The following CTNNA2 variants were observed in gnomAD, a reference collection of about 807,000 sequenced individuals.
CTNNA2 encodes the protein catenin alpha 2, also known as catenin alpha-2.
In CTNNA2, 42 loss-of-function variants were observed where a neutral mutation model predicts 101.0. The observed-to-expected ratio is 0.42, with a 90% CI of 0.32 to 0.54. The LOEUF (loss-of-function observed/expected upper bound fraction) is 0.54. Ranked by LOEUF, CTNNA2 falls within the 20% of genes least tolerant of loss-of-function variation. CTNNA2 has a pLI of 0.14. For missense variants in CTNNA2, 871 were observed against 1,223.1 expected (o/e 0.71, Z 4.29); for synonymous variants, 450 against 456.4 (o/e 0.99, Z 0.18).
intron 7 of CTNNA2, among the ~76,000 whole-genome samples, chr2:80,021,816 C>T (rs1347341933): frequency 1.3e-5 from 2 of 152,098 alleles, no homozygotes; most frequent in Admixed American, 6.5e-5. Flanking sequence ...TGAACTTACT[C>T]CTCCTAATGA....
At chr2:79,480,684 G>A (rs961508881) in intron 4 of CTNNA2, among the ~76,000 whole-genome samples, 3 of 152,034 alleles carry the variant, frequency 2.0e-5, no homozygotes, top group Non-Finnish European at 4.4e-5. Flanking sequence ...TGCTCACTGT[G>A]TGATTTTCTG....
chr2:79,215,452 G>A (rs1035719549), intron 2 of CTNNA2, among the ~76,000 whole-genome samples: 1 of 152,192 alleles, frequency 6.6e-6, no homozygotes, highest in South Asian at 2.1e-4. Flanking sequence ...TGTACACCTC[G>A]AAGGTGAGGT....
At chr2:79,892,544 G>C (rs1056401901) in intron 6 of CTNNA2, among the ~76,000 whole-genome samples, 4 of 152,092 alleles carry the variant, frequency 2.6e-5, no homozygotes, top group African/African-American at 9.7e-5. Context: ...AATAGAATGT[G>C]ATTTCCAATT....
intron 9 of CTNNA2, among the ~76,000 whole-genome samples, chr2:80,420,057 A>C (rs901179753): frequency 4.7e-5 from 7 of 149,608 alleles, no homozygotes; most frequent in African/African-American, 1.0e-4. Context: ...AAAAAAAAAA[A>C]AAAAAACCCA....
chr2:80,513,554 G>A (rs1275574396), intron 9 of CTNNA2, among the ~76,000 whole-genome samples: 2 of 152,230 alleles, frequency 1.3e-5, no homozygotes, highest in African/African-American at 2.4e-5. Context: ...ATGTGTGGTT[G>A]CATATCAGTC....
intron 7 of CTNNA2, among the ~76,000 whole-genome samples, chr2:80,040,485 G>A (rs181979079): frequency 2.6e-5 from 4 of 152,262 alleles, no homozygotes; most frequent in East Asian, 1.9e-4. Flanking sequence ...GTCATTTGGC[G>A]ATGCAGTTTT....
At chr2:79,924,734 A>G (rs2104394455) in intron 7 of CTNNA2, among the ~76,000 whole-genome samples, 1 of 152,214 alleles carries the variant, frequency 6.6e-6, no homozygotes, top group African/African-American at 2.4e-5. Context: ...TAGAGGTGAG[A>G]TAAAATGTGT....
At chr2:80,304,021 G>A in intron 7 of CTNNA2, 1 of 516,034 alleles carries the variant, frequency 1.9e-6, no homozygotes. Context: ...AAGCTGGGCA[G>A]CATAGAAAGT....
chr2:80,019,716 C>A (rs562067838), intron 7 of CTNNA2, among the ~76,000 whole-genome samples: 1 of 152,182 alleles, frequency 6.6e-6, no homozygotes, highest in Non-Finnish European at 1.5e-5. Flanking sequence ...AAACAGCTCC[C>A]AAATTCCTAA....
intron 1 of CTNNA2, among the ~76,000 whole-genome samples, chr2:79,592,297 T>C (rs989490307): frequency 6.6e-6 from 1 of 151,740 alleles, no homozygotes; most frequent in Non-Finnish European, 1.5e-5. Context: ...ATTTTTTTTT[T>C]AATTTTGTAT....
chr2:79,932,777 A>G (rs181356309), intron 7 of CTNNA2, among the ~76,000 whole-genome samples: 121 of 152,296 alleles, frequency 7.9e-4, no homozygotes, highest in African/African-American at 2.8e-3. Context: ...CATCACATAC[A>G]TTGAGTTACA....
chr2:79,288,110 G>A lies in CTNNA2; in HGVS notation c.-405-24599G>A, dbSNP rs574894185. Among the ~76,000 whole-genome samples the A allele has an allele frequency of 2.4e-4, 37 of 152,304 alleles. No individual in the cohort carries two copies. In the East Asian group the frequency reaches 5.2e-3, roughly 22 times the overall value. On this transcript the variant is annotated intron_variant, in intron 2 of 21. Coordinates refer to the CTNNA2 transcript ENST00000466387. ...AATGCCTCGCCCTGCTTCACCTCGC[G>A]CATGGTGCGCGCACCCACTGACCTG...
chr2:80,452,045 T>A (rs1683563165), intron 9 of CTNNA2, among the ~76,000 whole-genome samples: 1 of 152,224 alleles, frequency 6.6e-6, no homozygotes, highest in South Asian at 2.1e-4. Context: ...TATAACAATA[T>A]TTAAGCTATA....
intron 3 of CTNNA2, among the ~76,000 whole-genome samples, chr2:79,779,482 T>G (rs1426901987): frequency 6.6e-6 from 1 of 152,208 alleles, no homozygotes; most frequent in Non-Finnish European, 1.5e-5. Flanking sequence ...AATGGACACA[T>G]GTCATTCTTT....
chr2:80,504,312 G>A (rs1688102814), intron 9 of CTNNA2, among the ~76,000 whole-genome samples: 1 of 152,178 alleles, frequency 6.6e-6, no homozygotes, highest in African/African-American at 2.4e-5. Flanking sequence ...CCACTGTAGA[G>A]CGAGTTTTTT....
chr2:79,970,635 C>A (rs1365715221), intron 7 of CTNNA2, among the ~76,000 whole-genome samples: 1 of 152,056 alleles, frequency 6.6e-6, no homozygotes, highest in East Asian at 1.9e-4. Flanking sequence ...CTTCCATTTG[C>A]AACTGGGAGG....
chr2:80,227,045 G>A (rs766697336), intron 7 of CTNNA2, among the ~76,000 whole-genome samples: 1 of 152,204 alleles, frequency 6.6e-6, no homozygotes, highest in Non-Finnish European at 1.5e-5. Context: ...TCGCAGGATT[G>A]CATGGGCACA....
intron 18 of CTNNA2, among the ~76,000 whole-genome samples, chr2:80,623,184 C>T (rs572203057): frequency 9.9e-5 from 15 of 151,650 alleles, no homozygotes; most frequent in African/African-American, 3.1e-4. Context: ...AAGCATCAGT[C>T]AGAGCTATAA....
At position 80,302,977 on chromosome 2, in the gene CTNNA2, G is replaced by A. The variant is rs750573503; in HGVS notation, c.1057-90234G>A. 3 of 1,613,838 alleles carry A rather than the reference G, an allele frequency of 1.9e-6. No individual in the cohort carries two copies. The highest frequency in any genetic ancestry group is 2.5e-6 in the Non-Finnish European group (3 of 1,180,000). ...TGGAGTCCAGCTGCAGGGACTGCAG[G>A]TGCGGCACGGTCTCGAACACATGGG... is the stretch of plus-strand genomic sequence containing the variant. On this transcript the variant is annotated intron_variant, in intron 7 of 18. Transcript: ENST00000402739. The surrounding 1 kb of genome is among the most constrained non-coding windows in gnomAD (Gnocchi z 6.4).
Sources: allele counts gnomAD v4.1 joint callset (sites outside exome capture counted in the v4.1 genomes callset), GRCh38; gene constraint gnomAD v4.1.1; non-coding constraint Gnocchi (gnomAD v3.1); transcripts MANE v1.5; gene names NCBI Gene and HGNC (gene_info 2026-07-23, HGNC 2026-07-21).